The following CPM variants were observed in gnomAD, a reference collection of about 807,000 sequenced individuals.
CPM encodes the protein renal carboxypeptidase.
In CPM, 35 loss-of-function variants were observed where a neutral mutation model predicts 46.4. The ratio of observed to expected loss-of-function variants is 0.75; its 90% confidence interval spans 0.58 to 1.00. CPM has a LOEUF of 1.00. CPM is among the 50% of genes least tolerant of loss of function. CPM has a pLI of 0.00. For synonymous variants in CPM, 195 were observed against 195.3 expected, an observed-to-expected ratio of 1.00 and a Z score of 0.01; for missense variants, 422 against 530.4, an observed-to-expected ratio of 0.80 and a Z score of 2.01.
In CPM at chr12:68,945,846, CTT is replaced by C. The variant is rs1170064808; in HGVS notation, c.-3-13008_-3-13007del. Among the ~76,000 whole-genome samples, 782 of 88,404 alleles carry C rather than the reference CTT, an allele frequency of 8.8e-3. 3 individuals are homozygous for C. The highest frequency in any genetic ancestry group is 0.033 in the African/African-American group (687 of 20,882). 58.0% of individuals were successfully genotyped at this position (88,404 alleles called of 152,430 possible). ...TTTTTTTCTTTTCTTTTCTTTCTTTCTTTTTTTTTTTTTTTTTTTTTTTTGAG... is the reference window on the plus strand; with the variant it reads ...TTTTTTTCTTTTCTTTTCTTTCTTTCTTTTTTTTTTTTTTTTTTTTTTGAG... On this transcript the variant is annotated intron_variant, in intron 1 of 8. Coordinates refer to the CPM transcript ENST00000546373.
At chr12:68,955,639 G>C (rs1889003104) in intron 1 of CPM, among the ~76,000 whole-genome samples, 1 of 152,186 alleles carries the variant, frequency 6.6e-6, no homozygotes, top group Non-Finnish European at 1.5e-5. Flanking sequence ...GGAGAGAGGA[G>C]CTTCACTGAG....
intron 1 of CPM, among the ~76,000 whole-genome samples, chr12:68,956,642 A>G (rs1017153836): frequency 6.6e-6 from 1 of 152,098 alleles, no homozygotes; most frequent in African/African-American, 2.4e-5. Context: ...CCATTTGCCC[A>G]GTAAAAAACA....
intron 2 of CPM, among the ~76,000 whole-genome samples, chr12:68,923,838 G>A (rs1888138936): frequency 6.6e-6 from 1 of 152,098 alleles, no homozygotes; most frequent in South Asian, 2.1e-4. Context: ...ATATCTCTCA[G>A]TCACGTTAAG....
chr12:68,920,374 C>T (rs1887984058), intron 2 of CPM, among the ~76,000 whole-genome samples: 1 of 152,184 alleles, frequency 6.6e-6, no homozygotes, highest in South Asian at 2.1e-4. Context: ...CCACATGTCT[C>T]TAGGTGTCTA....
At position 68,932,713 on chromosome 12, in the gene CPM, A is replaced by G; in HGVS notation, c.125T>C (p.Val42Ala). 1 of 1,614,210 alleles carries G rather than the reference A, an allele frequency of 6.2e-7. No homozygotes were observed. Among genetic ancestry groups the G allele is most frequent in the Non-Finnish European group, 8.5e-7 (1 of 1,180,038 alleles). ...LKTVAQNYSS[V>A]THLHSIGKSV... Reference sequence around the variant, plus strand: ...TTTCCCAATACTGTGTAAGTGAGTGACAGAACTGTAGTTTTGGGCAACAGT... The same window carrying G: ...TTTCCCAATACTGTGTAAGTGAGTGGCAGAACTGTAGTTTTGGGCAACAGT... Residue 42 changes from valine (V) to alanine (A), a missense_variant, in exon 2 of 9, where the codon GTC (valine) becomes GCC (alanine). By Grantham distance (64) the Val-to-Ala change is moderately conservative. Coordinates refer to ENST00000551568, the MANE Select transcript of CPM (RefSeq NM_198320.5).
chr12:68,884,515 C>A (rs1345452671), intron 3 of CPM, among the ~76,000 whole-genome samples: 1 of 152,140 alleles, frequency 6.6e-6, no homozygotes, highest in African/African-American at 2.4e-5. Flanking sequence ...TAAGCCAGAA[C>A]AGGAAGCTCA....
intron 3 of CPM, among the ~76,000 whole-genome samples, chr12:68,877,226 C>T (rs1223710469): frequency 1.3e-5 from 2 of 152,188 alleles, no homozygotes; most frequent in Non-Finnish European, 2.9e-5. Context: ...CTTGACTGAC[C>T]TCCCTTTCTC....
intron 1 of CPM, among the ~76,000 whole-genome samples, chr12:68,958,249 T>C (rs1240839414): frequency 6.6e-6 from 1 of 152,190 alleles, no homozygotes; most frequent in Non-Finnish European, 1.5e-5. Context: ...TAGTTCTAGA[T>C]CCTTGAGGAA....
chr12:68,893,366 C>T (rs1886736489), intron 2 of CPM, among the ~76,000 whole-genome samples: 1 of 152,164 alleles, frequency 6.6e-6, no homozygotes, highest in Non-Finnish European at 1.5e-5. Flanking sequence ...AGAGCCTGTA[C>T]AGATGTGATG....
intron 3 of CPM, among the ~76,000 whole-genome samples, chr12:68,877,250 G>A (rs919355991): frequency 2.0e-5 from 3 of 152,038 alleles, no homozygotes; most frequent in South Asian, 2.1e-4. Context: ...CTCCACCATC[G>A]AAGCCCCGAA....
chr12:68,873,452 G>C (rs1885799507), intron 3 of CPM, among the ~76,000 whole-genome samples: 1 of 152,116 alleles, frequency 6.6e-6, no homozygotes, highest in Non-Finnish European at 1.5e-5. Context: ...CTAAGGCGGA[G>C]CCCAGGAGTT....
intron 3 of CPM, among the ~76,000 whole-genome samples, chr12:68,873,836 C>T (rs1055708746): frequency 1.3e-5 from 2 of 151,680 alleles, no homozygotes; most frequent in Middle Eastern, 3.4e-3. Flanking sequence ...GACAGAGTCT[C>T]ACTCTGTCAC....
chr12:68,883,291 G>A (rs1886275311), intron 3 of CPM, among the ~76,000 whole-genome samples: 1 of 152,174 alleles, frequency 6.6e-6, no homozygotes, highest in South Asian at 2.1e-4. Context: ...ATCTATGGGA[G>A]GAAAAAGGGG....
At chr12:68,916,465 T>A (rs1216764343) in intron 2 of CPM, among the ~76,000 whole-genome samples, 1 of 152,240 alleles carries the variant, frequency 6.6e-6, no homozygotes, top group African/African-American at 2.4e-5. Context: ...TTCACACTGA[T>A]AGCTCTCAGG....
downstream of CPM, chr12:68,850,048 G>T (rs1393666544): frequency 6.6e-6 from 1 of 152,304 alleles, no homozygotes; most frequent in Non-Finnish European, 1.5e-5. Flanking sequence ...ACTTTGGGAG[G>T]CTGAGGTGGG....
In CPM at chr12:68,856,405, G is replaced by C; in HGVS notation, c.*32C>G. 6.3e-7 allele frequency: 1 copy of C among 1,598,274 alleles called. No individual in the cohort carries two copies. Among genetic ancestry groups the C allele is most frequent in the Non-Finnish European group, 8.5e-7 (1 of 1,171,320 alleles). ...TGGAGTGAGCAATCCCTGATTCCAG[G>C]TGGTGATGTGGGTTGAGTTTCACAT... On this transcript the variant is annotated 3_prime_UTR_variant, in exon 9 of 9. Coordinates refer to ENST00000551568, the MANE Select transcript of CPM (RefSeq NM_198320.5).
Position 68,866,999 on chromosome 12 carries a change from C to A in CPM, c.837G>T (p.Thr279=), listed in dbSNP as rs33925480. 1.2e-6 allele frequency: 2 copies of A among 1,614,040 alleles called. No individual in the cohort carries two copies. Among genetic ancestry groups the A allele is most frequent in the East Asian group, 2.2e-5 (1 of 44,878 alleles). Residue 279 remains threonine (T), a synonymous_variant, in exon 7 of 9, where the codon ACG becomes ACT. Transcript: ENST00000551568. ...NYIWAQCFEI[T]LELSCCKYPR... is the part of the protein sequence containing the mutation. ...GATATTTACAGCATGACAGCTCCAA[C>A]GTAATTTCAAAACACTGGGCCCAGA...
chr12:68,873,360 C>G (rs1447183967), intron 3 of CPM, among the ~76,000 whole-genome samples: 1 of 152,140 alleles, frequency 6.6e-6, no homozygotes. Context: ...TCCTAATGAA[C>G]ACAGAATAAT....
At chr12:68,884,645 G>C (rs1886353236) in intron 3 of CPM, among the ~76,000 whole-genome samples, 1 of 152,236 alleles carries the variant, frequency 6.6e-6, no homozygotes, top group Admixed American at 6.5e-5. Context: ...TATAAGTTGT[G>C]TTTTACAGGG....
Sources: allele counts gnomAD v4.1 joint callset (sites outside exome capture counted in the v4.1 genomes callset), GRCh38; gene constraint gnomAD v4.1.1; transcripts MANE v1.5; gene names NCBI Gene and HGNC (gene_info 2026-07-23, HGNC 2026-07-21).